NFAM1: variants seen among roughly 807,000 people sequenced by gnomAD.
NFAM1 encodes NFAT activating protein with ITAM motif 1, also known as NFAT activation molecule 1.
Under a neutral mutation model 29.0 loss-of-function variants are expected in NFAM1, and 17 were observed. The ratio of observed to expected loss-of-function variants is 0.59; its 90% CI spans 0.40 to 0.88. The LOEUF (loss-of-function observed/expected upper bound fraction) is 0.88. NFAM1 is among the 40% of genes least tolerant of loss of function. The pLI is 0.00. For missense variants in NFAM1, 324 were observed against 344.6 expected, an observed-to-expected ratio of 0.94 and a Z score of 0.47; for synonymous variants, 175 against 147.2, an observed-to-expected ratio of 1.19 and a Z score of -1.36.
intron 3 of NFAM1, among the ~76,000 whole-genome samples, chr22:42,399,241 G>A (rs547628199): frequency 6.6e-6 from 1 of 152,124 alleles, no homozygotes; most frequent in South Asian, 2.1e-4. Flanking sequence ...GAGATCAGGA[G>A]TTTGAGACCA....
At chr22:42,410,402 G>A (rs1930041248) in intron 2 of NFAM1, 2 of 374,728 alleles carry the variant, frequency 5.3e-6, no homozygotes, top group Non-Finnish European at 1.1e-5. Flanking sequence ...GCTCATGCCT[G>A]TAATCCCAAC....
upstream of NFAM1, chr22:42,436,899 G>T: frequency 3.8e-6 from 2 of 525,060 alleles, no homozygotes; most frequent in Non-Finnish European, 4.9e-6. Context: ...TTTAATCAGG[G>T]CAGATATTAT....
At chr22:42,428,839 G>A (rs993901216) in intron 1 of NFAM1, among the ~76,000 whole-genome samples, 1 of 152,194 alleles carries the variant, frequency 6.6e-6, no homozygotes, top group African/African-American at 2.4e-5. Flanking sequence ...TCACACAGCT[G>A]TCACCAGAAG....
intron 1 of NFAM1, among the ~76,000 whole-genome samples, chr22:42,427,343 GAGGGCAGAGGA>G (rs1170485574): frequency 6.6e-6 from 1 of 152,048 alleles, no homozygotes; most frequent in Non-Finnish European, 1.5e-5. Flanking sequence ...AGGGCTCAGG[GAGGGCAGAGGA>G]AGGGCAGAGG....
intron 1 of NFAM1, among the ~76,000 whole-genome samples, chr22:42,417,438 G>T (rs965242098): frequency 3.9e-5 from 6 of 152,222 alleles, no homozygotes; most frequent in African/African-American, 9.6e-5. Context: ...GCTGGAACAG[G>T]TCCTGGGGCG....
At position 42,425,549 on chromosome 22, in the gene NFAM1, T is replaced by A. The variant is rs555795080; in HGVS notation, c.121+6688A>T. 5.9e-5 allele frequency among the ~76,000 whole-genome samples: 9 copies of A among 152,082 alleles called. No homozygotes were observed. The East Asian group carries it at 1.4e-3, about 23-fold the overall frequency. ...CTTCCACTTCCTCCACCCTGCCAGC[T>A]CCCTCCTTCCCTCCCTGTCTGCCGC... On this transcript the variant is annotated intron_variant, in intron 1 of 5. Coordinates refer to ENST00000329021, the MANE Select transcript of NFAM1 (RefSeq NM_145912.8).
intron 1 of NFAM1, among the ~76,000 whole-genome samples, chr22:42,414,967 T>C (rs1462738704): frequency 6.6e-6 from 1 of 152,210 alleles, no homozygotes; most frequent in Non-Finnish European, 1.5e-5. Context: ...ACGTCCGTTG[T>C]TCTATATTCT....
intron 3 of NFAM1, among the ~76,000 whole-genome samples, chr22:42,407,903 CT>C (rs61407898): frequency 0.35 from 36,470 of 103,264 alleles, 4,867 homozygotes; most frequent in African/African-American, 0.49. Context: ...ACAGATTTCT[CT>C]TTTTTTTTTT....
chr22:42,386,936 G>T, intron 5 of NFAM1, 53 bp downstream of exon 5: 1 of 975,404 alleles, frequency 1.0e-6, no homozygotes, highest in Non-Finnish European at 1.5e-6. Context: ...CACCAGTGAT[G>T]GGAGGGTCAG....
At chr22:42,393,976 A>G (rs1438843383) in intron 4 of NFAM1, among the ~76,000 whole-genome samples, 1 of 152,154 alleles carries the variant, frequency 6.6e-6, no homozygotes, top group Non-Finnish European at 1.5e-5. Flanking sequence ...TATTCCATAT[A>G]TGTCAATTAG....
chr22:42,404,003 C>T (rs1157357917), intron 3 of NFAM1, among the ~76,000 whole-genome samples: 1 of 152,144 alleles, frequency 6.6e-6, no homozygotes, highest in Non-Finnish European at 1.5e-5. Context: ...GGCCTGCGGG[C>T]AGGGCTGACT....
rs1199577800 is a variant in NFAM1, at chr22:42,382,313, C to G, written c.*2848G>C. On this transcript the variant is annotated 3_prime_UTR_variant, in exon 6 of 6. Coordinates refer to ENST00000329021, the MANE Select transcript of NFAM1 (RefSeq NM_145912.8). ...TCAAGTGATCCACCCGCCTCGGCCT[C>G]CCAACATGCTGGGATTACAGGCATA... 1 of 152,266 alleles carries G rather than the reference C, an allele frequency of 6.6e-6. No individual in the cohort carries two copies. Among genetic ancestry groups the G allele is most frequent in the Non-Finnish European group, 1.5e-5 (1 of 68,112 alleles). The allele number at this position is 152,266 out of a possible 1,614,324, so 9.4% of individuals were successfully genotyped here.
intron 3 of NFAM1, among the ~76,000 whole-genome samples, chr22:42,405,202 T>A (rs1929855028): frequency 6.6e-6 from 1 of 152,126 alleles, no homozygotes; most frequent in Non-Finnish European, 1.5e-5. Flanking sequence ...TCCGGTCCCA[T>A]CTTTGTAGGG....
In NFAM1 at chr22:42,388,704, G is replaced by A. The variant is rs1481663019; in HGVS notation, c.664-1626C>T. Among the ~76,000 whole-genome samples, 6 of 152,166 alleles carry A rather than the reference G, an allele frequency of 3.9e-5. No individual in the cohort carries two copies. Among genetic ancestry groups the A allele is most frequent in the African/African-American group, 1.4e-4 (6 of 41,424 alleles). On this transcript the variant is annotated intron_variant, in intron 4 of 5. Transcript: ENST00000329021. The surrounding 1 kb of genome is among the most constrained non-coding windows in gnomAD (Gnocchi z 4.1). ...GAGGCAGCTGGGCATGAAAATCCAA[G>A]TAATAAACCATTTGGCACTTGGGAG... is the stretch of plus-strand genomic sequence containing the variant.
chr22:42,430,556 C>CAAAAAAAAA (rs10684230), intron 1 of NFAM1, among the ~76,000 whole-genome samples: 1 of 72,952 alleles, frequency 1.4e-5, no homozygotes, highest in African/African-American at 5.5e-5. Context: ...GTGAAACTCT[C>CAAAAAAAAA]AAAAAAAAAA....
In NFAM1 at chr22:42,411,630, C is replaced by G. The variant is rs1269056996; in HGVS notation, c.228G>C (p.Lys76Asn). 6.2e-7 allele frequency: 1 copy of G among 1,614,156 alleles called. No individual in the cohort carries two copies. Among genetic ancestry groups the G allele is most frequent in the Non-Finnish European group, 8.5e-7 (1 of 1,179,982 alleles). The change falls in exon 2 of 6, where the codon AAG becomes AAC. Residue 76 changes from lysine to asparagine, a missense_variant. Coordinates refer to ENST00000329021, the MANE Select transcript of NFAM1 (RefSeq NM_145912.8). ...RITYPYTPQF[K>N]VFTVSYFHED... ...CATGAAAGTAGCTGACTGTGAAAAC[C>G]TTGAATTGGGGAGTGTATGGATAGG... is the stretch of plus-strand genomic sequence containing the variant.
chr22:42,418,178 C>T (rs577425260), intron 1 of NFAM1, among the ~76,000 whole-genome samples: 2 of 152,180 alleles, frequency 1.3e-5, no homozygotes, highest in African/African-American at 2.4e-5. Flanking sequence ...GGCCTGGATG[C>T]GGCTCCTGGC....
At chr22:42,389,955 C>T (rs764830478) in intron 4 of NFAM1, among the ~76,000 whole-genome samples, 1 of 152,096 alleles carries the variant, frequency 6.6e-6, no homozygotes, top group Admixed American at 6.6e-5. Flanking sequence ...GAACACACTC[C>T]GTGGAGAAGC....
At chr22:42,426,917 G>A (rs1930641548) in intron 1 of NFAM1, among the ~76,000 whole-genome samples, 1 of 152,154 alleles carries the variant, frequency 6.6e-6, no homozygotes, top group Non-Finnish European at 1.5e-5. Context: ...GCCACGCCCT[G>A]AGGCCATCAT....
Sources: gnomAD v4.1 joint callset for allele counts (sites outside exome capture counted in the v4.1 genomes callset) on GRCh38, gnomAD v4.1.1 for gene constraint, Gnocchi (gnomAD v3.1) non-coding constraint, MANE v1.5 for transcripts, NCBI Gene and HGNC (gene_info 2026-07-23, HGNC 2026-07-21) for gene names.